Variants in ERBB2 observed in about 807,000 individuals in gnomAD.
ERBB2 encodes receptor tyrosine-protein kinase erbB-2.
Under a neutral mutation model 149.0 loss-of-function variants are expected in ERBB2, and 61 were observed. The ratio of observed to expected loss-of-function variants is 0.41; its 90% CI spans 0.33 to 0.51. The LOEUF (loss-of-function observed/expected upper bound fraction) is 0.51. ERBB2 is among the 20% of genes least tolerant of loss of function. The probability of loss-of-function intolerance (pLI) is 0.25; values close to 1 mark genes in which losing one functional copy is unlikely to be tolerated. For missense variants in ERBB2, 1,205 were observed against 1,655.1 expected (o/e 0.73, Z 4.72); for synonymous variants, 633 against 678.8 (o/e 0.93, Z 1.05).
At chr17:39,713,226 A>G (rs2058915345) in intron 9 of ERBB2, 1 of 152,096 alleles carries the variant, frequency 6.6e-6, no homozygotes, top group African/African-American at 2.4e-5. Flanking sequence ...TCCTGGATTC[A>G]AGCAATTCTC....
rs2059814547 is a variant in ERBB2, at chr17:39,727,149, C to T, written c.3159+146C>T. On this transcript the variant is annotated intron_variant, in intron 25 of 26. Coordinates refer to ENST00000269571, the MANE Select transcript of ERBB2 (RefSeq NM_004448.4). This position sits in a 1 kb window ranked among gnomAD's most constrained non-coding sequence, Gnocchi z 4.3. Reference sequence around the variant, plus strand: ...ACAAAAAATTCTTACTGCCTTCCAACCCCTGTGACCCCATTCTCTCCACGG... The same window carrying T: ...ACAAAAAATTCTTACTGCCTTCCAATCCCTGTGACCCCATTCTCTCCACGG... 3.3e-6 allele frequency: 4 copies of T among 1,226,106 alleles called. No homozygotes were observed. The highest frequency in any genetic ancestry group is 2.4e-5 in the East Asian group (1 of 42,506). The allele number at this position is 1,226,106 out of a possible 1,614,324, so 76.0% of individuals were successfully genotyped here. A position where few individuals can be genotyped will look rare whatever the true frequency, so the allele number is the denominator to read the frequency against.
rs758204762 is a variant in ERBB2 at position 39,712,330 on chromosome 17, G to C, written c.1030G>C (p.Gly344Arg). 4.4e-5 allele frequency: 56 copies of C among 1,279,930 alleles called. No homozygotes were observed. Among genetic ancestry groups the C allele is most frequent in the Non-Finnish European group, 6.1e-5 (55 of 896,718 alleles). 79.3% of individuals were successfully genotyped at this position (1,279,930 alleles called of 1,614,324 possible). A position where few individuals can be genotyped will look rare whatever the true frequency, so the allele number is the denominator to read the frequency against. ...CSKPCARVCYGLGMEHLREVR... is the reference protein window; with the variant it reads ...CSKPCARVCYRLGMEHLREVR... ...CACCCCCACCTCCTCAGTGTGCTAT[G>C]GTCTGGGCATGGAGCACTTGCGAGA... Residue 344 changes from glycine (G) to arginine (R), a missense_variant, in exon 9 of 27, where the codon GGT becomes CGT. Gly to Arg is a moderately radical substitution (Grantham distance 125, BLOSUM62 -2). Transcript: ENST00000269571.
rs2145446676 is a variant in ERBB2 at position 39,708,513 on chromosome 17, C to T, written c.418C>T (p.Leu140=). The change falls in exon 3 of 27, where the codon CTG becomes TTG. Residue 140 remains leucine (L), a synonymous_variant. Transcript: ENST00000269571. The stretch of plus-strand genomic sequence containing the variant: ...GGCCTCCCCAGGAGGCCTGCGGGAG[C>T]TGCAGCTTCGAAGCCTCACAGGTGG... ...TGASPGGLRE[L]QLRSLTEILK... The T allele has an allele frequency of 6.2e-7, 1 of 1,614,024 alleles. No homozygotes were observed. Among genetic ancestry groups the T allele is most frequent in the Non-Finnish European group, 8.5e-7 (1 of 1,179,916 alleles).
chr17:39,712,114 C>G (rs1325398786), intron 8 of ERBB2, 67 bp downstream of exon 8: 1 of 1,608,554 alleles, frequency 6.2e-7, no homozygotes. Flanking sequence ...CCTGGCCCAG[C>G]CCACCCTGTC....
At chr17:39,720,890 C>T (rs567886184) in intron 16 of ERBB2, among the ~76,000 whole-genome samples, 9 of 152,244 alleles carry the variant, frequency 5.9e-5, no homozygotes, top group Non-Finnish European at 1.0e-4. Flanking sequence ...CCTCAAGATC[C>T]GCCCACCTTG....
upstream of ERBB2, among the ~76,000 whole-genome samples, chr17:39,697,443 C>T (rs547860927): frequency 2.0e-5 from 3 of 151,616 alleles, no homozygotes; most frequent in Non-Finnish European, 4.4e-5. Context: ...GCAACCTCCG[C>T]TTCCCAGGTT....
chr17:39,703,944 A>C (rs2058260973), intron 1 of ERBB2, among the ~76,000 whole-genome samples: 1 of 152,248 alleles, frequency 6.6e-6, no homozygotes, highest in African/African-American at 2.4e-5. Context: ...CTGGGGCTGC[A>C]AGCTGGTGGG....
chr17:39,723,690 C>A lies in ERBB2; in HGVS notation c.2208+30C>A, dbSNP rs201939892. The A allele has an allele frequency of 6.3e-7, 1 of 1,589,970 alleles. No homozygotes were observed. On this transcript the variant is annotated intron_variant, in intron 18 of 26. Coordinates refer to ENST00000269571, the MANE Select transcript of ERBB2 (RefSeq NM_004448.4). The surrounding 1 kb of genome is among the most constrained non-coding windows in gnomAD (Gnocchi z 6.2). Reference sequence around the variant, plus strand: ...GGGCCAGGTCCTGGGGTGGGCGGCCCCAGAGGATGGGGGCGGTGCCTGGAG... The same window carrying A: ...GGGCCAGGTCCTGGGGTGGGCGGCCACAGAGGATGGGGGCGGTGCCTGGAG...
Position 39,727,841 on chromosome 17 carries a change from G to A in ERBB2, c.3565G>A (p.Gly1189Ser), listed in dbSNP as rs926640472. 1.2e-6 allele frequency: 2 copies of A among 1,613,880 alleles called. No homozygotes were observed. Among genetic ancestry groups the A allele is most frequent in the African/African-American group, 1.3e-5 (1 of 74,886 alleles). Residue 1189 changes from glycine (G) to serine (S), a missense_variant, in exon 27 of 27, where the codon GGT becomes AGT. This residue lies in a region of ERBB2 where 312 missense variants were observed against 343.8 expected (regional missense o/e 0.91). Transcript: ENST00000269571. The surrounding 1 kb of genome is among the most constrained non-coding windows in gnomAD (Gnocchi z 4.3). The stretch of plus-strand genomic sequence containing the variant: ...CGTCAAAGACGTTTTTGCCTTTGGG[G>A]GTGCCGTGGAGAACCCCGAGTACTT... Reference protein sequence around the residue: ...GVVKDVFAFGGAVENPEYLTP... With the variant: ...GVVKDVFAFGSAVENPEYLTP...
chr17:39,697,423 T>G (rs957216768), upstream of ERBB2, among the ~76,000 whole-genome samples: 5 of 150,590 alleles, frequency 3.3e-5, no homozygotes, highest in Admixed American at 2.7e-4. Flanking sequence ...TGGCGCGATC[T>G]TGGCTCACCG....
At chr17:39,701,102 G>T (rs1343392380) in intron 1 of ERBB2, among the ~76,000 whole-genome samples, 1 of 152,038 alleles carries the variant, frequency 6.6e-6, no homozygotes, top group Admixed American at 6.6e-5. Context: ...AGCCTAGGGA[G>T]GGCTGCGTTG....
intron 19 of ERBB2, among the ~76,000 whole-genome samples, chr17:39,724,293 C>CA (rs1209390192): frequency 4.3e-5 from 1 of 23,352 alleles, no homozygotes; most frequent in Non-Finnish European, 1.2e-4. Flanking sequence ...TTTTTTGAGA[C>CA]AGAGTCTCGC....
chr17:39,715,704 G>C (rs770641970), intron 11 of ERBB2, 36 bp from the exon 12 acceptor site: 1 of 1,601,866 alleles, frequency 6.2e-7, no homozygotes, highest in East Asian at 2.2e-5. Flanking sequence ...TGACCGGGAA[G>C]GGGTCCGTGG....
chr17:39,717,276 G>A (rs756952599), intron 14 of ERBB2, 44 bp from the exon 15 acceptor site: 1 of 1,532,782 alleles, frequency 6.5e-7, no homozygotes, highest in Non-Finnish European at 8.9e-7. Flanking sequence ...CTGCCCTGGG[G>A]GTGTCAGTGC....
At chr17:39,694,105 A>G (rs1421988418), upstream of ERBB2, among the ~76,000 whole-genome samples, 1 of 142,362 alleles carries the variant, frequency 7.0e-6, no homozygotes, top group Admixed American at 7.2e-5. Context: ...GAGGCAGGAG[A>G]ATCACTCGAA....
chr17:39,695,986 C>T (rs2057855203), upstream of ERBB2, among the ~76,000 whole-genome samples: 2 of 152,214 alleles, frequency 1.3e-5, no homozygotes, highest in African/African-American at 4.8e-5. Context: ...CGCAGTCAGC[C>T]CCACTCTGTT....
chr17:39,695,758 C>CACACACACACACGT (rs2057850041), upstream of ERBB2, among the ~76,000 whole-genome samples: 1 of 148,802 alleles, frequency 6.7e-6, no homozygotes, highest in Non-Finnish European at 1.5e-5. Context: ...CACACACACA[C>CACACACACACACGT]GTCTCCTGTG....
chr17:39,700,325 G>A lies in ERBB2; in HGVS notation c.73+14G>A, dbSNP rs1212369545. On this transcript the variant is annotated intron_variant, in intron 1 of 26. Coordinates refer to ENST00000269571, the MANE Select transcript of ERBB2 (RefSeq NM_004448.4). ...CGAGCACCCAAGGTGGGTCTGGTGT[G>A]GGGAGGGGACGGAGCAGCGGCGGGA... is the stretch of plus-strand genomic sequence containing the variant. 20 of 1,380,402 alleles carry A rather than the reference G, an allele frequency of 1.4e-5. No individual in the cohort carries two copies. Among genetic ancestry groups the A allele is most frequent in the Non-Finnish European group, 1.8e-5 (19 of 1,067,472 alleles). The allele number at this position is 1,380,402 out of a possible 1,614,324, so 85.5% of individuals were successfully genotyped here.
chr17:39,705,644 G>T (rs1447562040), intron 1 of ERBB2, among the ~76,000 whole-genome samples: 3 of 152,212 alleles, frequency 2.0e-5, no homozygotes, highest in African/African-American at 7.2e-5. Context: ...CCACCAGTTT[G>T]TGGCCACTGG....
Sources: allele counts gnomAD v4.1 joint callset (sites outside exome capture counted in the v4.1 genomes callset), GRCh38; gene constraint gnomAD v4.1.1; regional missense constraint gnomAD v4.1.1; non-coding constraint Gnocchi (gnomAD v3.1); transcripts MANE v1.5; gene names NCBI Gene and HGNC (gene_info 2026-07-23, HGNC 2026-07-21).